SBF1: variants seen among roughly 807,000 people sequenced by gnomAD.
The protein encoded by SBF1 is myotubularin-related protein 5.
Under a neutral mutation model 215.8 loss-of-function variants are expected in SBF1, and 65 were observed. The observed-to-expected ratio is 0.30, with a 90% CI of 0.25 to 0.37. SBF1 has a LOEUF of 0.37. SBF1 is among the 10% of genes least tolerant of loss of function. The pLI, the probability that SBF1 is intolerant of heterozygous loss-of-function variation, is 1.00. For synonymous variants in SBF1, 1,410 were observed against 1,122.8 expected, an observed-to-expected ratio of 1.26 and a Z score of -5.11; for missense variants, 2,634 against 2,667.8, an observed-to-expected ratio of 0.99 and a Z score of 0.28.
In SBF1 at chr22:50,465,121, G is replaced by T. The variant is rs754999203; in HGVS notation, c.1212C>A (p.Phe404Leu). The T allele has an allele frequency of 6.2e-7, 1 of 1,614,078 alleles. No homozygotes were observed. The highest frequency in any genetic ancestry group is 2.2e-5 in the East Asian group (1 of 44,878). The change falls in exon 12 of 41, where the codon TTC becomes TTA. Residue 404 changes from phenylalanine (F) to leucine (L), a missense_variant. Physicochemically the swap from Phe to Leu is conservative, Grantham distance 22. Coordinates refer to ENST00000380817, the MANE Select transcript of SBF1 (RefSeq NM_002972.4). ...EPVIRFHKAAFLGQRGLVEDD... is the reference protein window; with the variant it reads ...EPVIRFHKAALLGQRGLVEDD... ...CCTCTACCAGCCCACGCTGGCCCAG[G>T]AAGGCTGCCTGGATGACAGAAGGAG... is the stretch of plus-strand genomic sequence containing the variant.
intron 6 of SBF1, 59 bp downstream of exon 6, chr22:50,466,546 C>T: frequency 5.2e-6 from 8 of 1,529,118 alleles, no homozygotes; most frequent in Non-Finnish European, 6.2e-6. Flanking sequence ...TGAGAACCCA[C>T]ATCCCTAACT....
In SBF1 at chr22:50,459,318, A is replaced by G. The variant is rs750636374; in HGVS notation, c.3763T>C (p.Tyr1255His). ...GTGTTGCGTCCCGACGCGTCGGCGTAGCGGGGCATGGAGCTGACCACAGCC... is the reference window on the plus strand; with the variant it reads ...GTGTTGCGTCCCGACGCGTCGGCGTGGCGGGGCATGGAGCTGACCACAGCC... ...LQAVVSSMPR[Y>H]ADASGRNTLS... Residue 1255 changes from tyrosine (Y) to histidine (H), a missense_variant, in exon 28 of 41, where the codon TAC becomes CAC. By Grantham distance (83) the Tyr-to-His change is moderately conservative. Coordinates refer to ENST00000380817, the MANE Select transcript of SBF1 (RefSeq NM_002972.4). 8.1e-6 allele frequency: 13 copies of G among 1,612,632 alleles called. No individual in the cohort carries two copies. Among genetic ancestry groups the G allele is most frequent in the Middle Eastern group, 3.3e-4 (2 of 6,076 alleles).
Position 50,467,873 on chromosome 22 carries a change from G to A in SBF1, c.192C>T (p.Thr64=). The A allele has an allele frequency of 6.2e-7, 1 of 1,614,048 alleles. No homozygotes were observed. Residue 64 remains threonine (T), a synonymous_variant, in exon 3 of 41, where the codon ACC becomes ACT. Coordinates refer to ENST00000380817, the MANE Select transcript of SBF1 (RefSeq NM_002972.4). ...WQLCPERNPP[T]FFVAVLTDIN... is the part of the protein sequence containing the mutation. ...TGTCGGTGAGGACAGCAACAAAGAAGGTCGGTGGATTCCTCTCGGGACACA... is the reference window on the plus strand; with the variant it reads ...TGTCGGTGAGGACAGCAACAAAGAAAGTCGGTGGATTCCTCTCGGGACACA...
intron 38 of SBF1, among the ~76,000 whole-genome samples, chr22:50,447,920 G>A (rs1014376359): frequency 4.6e-5 from 7 of 152,242 alleles, no homozygotes; most frequent in South Asian, 4.1e-4. Context: ...CAGGGCAGGC[G>A]CCCTTACGAG....
chr22:50,467,944 T>C lies in SBF1; in HGVS notation c.142-21A>G, dbSNP rs1006527594. On this transcript the variant is annotated intron_variant, in intron 2 of 40. Transcript: ENST00000380817. ...CAAAACTGCAGGGAAGGCTCAGCAG[T>C]CAGCTCCTCCCCCTACACCTGTGGC... 6 of 1,612,464 alleles carry C rather than the reference T, an allele frequency of 3.7e-6. No individual in the cohort carries two copies. In the African/African-American group the frequency reaches 8.0e-5, roughly 22 times the overall value.
intron 34 of SBF1, 25 bp downstream of exon 34, chr22:50,454,991 G>T: frequency 1.2e-6 from 2 of 1,613,928 alleles, no homozygotes; most frequent in South Asian, 2.2e-5. Context: ...ACCCGTGGCT[G>T]CCCCAGCCCC....
intron 36 of SBF1, among the ~76,000 whole-genome samples, chr22:50,452,281 C>A (rs1015858069): frequency 1.3e-5 from 2 of 151,976 alleles, no homozygotes; most frequent in African/African-American, 2.4e-5. Context: ...CTCTGCATTA[C>A]AAGAAATATT....
intron 5 of SBF1, chr22:50,467,112 C>A (rs2067799337): frequency 3.4e-6 from 2 of 595,812 alleles, no homozygotes; most frequent in Non-Finnish European, 6.0e-6. Flanking sequence ...CAGGCACACA[C>A]CATCAAAGGA....
At position 50,462,591 on chromosome 22, in the gene SBF1, G is replaced by A. The variant is rs2067566452; in HGVS notation, c.2095C>T (p.Leu699=). The A allele has an allele frequency of 6.2e-7, 1 of 1,612,228 alleles. No individual in the cohort carries two copies. Among genetic ancestry groups the A allele is most frequent in the African/African-American group, 1.3e-5 (1 of 74,918 alleles). The change falls in exon 18 of 41, where the codon CTG becomes TTG. Residue 699 remains leucine, a synonymous_variant. Transcript: ENST00000380817. ...DVQTHIRALY[L]EPTEDLAPAQ... ...GGGGCCAGGTCCTCCGTGGGCTCCA[G>A]GTAGAGGGCCCGGATGTGAGTCTGC...
rs755187633 is a variant in SBF1 at position 50,474,862 on chromosome 22, C to A, written c.-22G>T. The A allele has an allele frequency of 4.6e-4, 634 of 1,376,988 alleles. 1 individual carries two copies. Among genetic ancestry groups the A allele is most frequent in the Middle Eastern group, 1.3e-3 (5 of 3,756 alleles). 85.3% of individuals were successfully genotyped at this position (1,376,988 alleles called of 1,614,324 possible). ...CCATGGCGAGGGACGCGGGGCGGCC[C>A]GAGGGGCGCGGGCGGGCTCCGCGGC... On this transcript the variant is annotated 5_prime_UTR_variant, in exon 1 of 41. Coordinates refer to ENST00000380817, the MANE Select transcript of SBF1 (RefSeq NM_002972.4).
chr22:50,464,834 C>T lies in SBF1; in HGVS notation c.1416G>A (p.Glu472=), dbSNP rs368064361. ...RVLRHVQELA[E]QLYKNENPYP... is the part of the protein sequence containing the mutation. ...ACCCTCGTACGTTCTTGTAGAGCTGCTCTGCCAGTTCCTGGACGTGACGCA... is the reference window on the plus strand; with the variant it reads ...ACCCTCGTACGTTCTTGTAGAGCTGTTCTGCCAGTTCCTGGACGTGACGCA... The change falls in exon 13 of 41, where the codon GAG becomes GAA. Residue 472 remains glutamate, a synonymous_variant. Transcript: ENST00000380817. 2.0e-5 allele frequency: 32 copies of T among 1,613,542 alleles called. No individual in the cohort carries two copies. The highest frequency in any genetic ancestry group is 2.6e-5 in the Non-Finnish European group (31 of 1,180,028).
intron 10 of SBF1, 91 bp downstream of exon 10, chr22:50,465,672 G>A (rs1332169859): frequency 1.6e-6 from 2 of 1,234,522 alleles, no homozygotes; most frequent in Non-Finnish European, 2.2e-6. Flanking sequence ...GCCAGCCTGG[G>A]GGTGGGGCCC....
intron 1 of SBF1, among the ~76,000 whole-genome samples, chr22:50,473,589 G>A (rs562337395): frequency 2.0e-5 from 3 of 152,280 alleles, no homozygotes; most frequent in African/African-American, 7.2e-5. Context: ...AGGGGCTGGA[G>A]ACGAAGAAGA....
rs765651964 is a variant in SBF1, at chr22:50,446,856, A to G, written c.*286T>C. ...ACTCTGGTTCTAGAAACTCGCCTGC[A>G]GCCGCTGGCTGGACCAGCACACGCT... On this transcript the variant is annotated 3_prime_UTR_variant, in exon 41 of 41. Transcript: ENST00000380817. 11 of 738,110 alleles carry G rather than the reference A, an allele frequency of 1.5e-5. No individual in the cohort carries two copies. Among genetic ancestry groups the G allele is most frequent in the South Asian group, 8.3e-5 (6 of 72,428 alleles). 45.7% of individuals were successfully genotyped at this position (738,110 alleles called of 1,614,324 possible). A position where few individuals can be genotyped will look rare whatever the true frequency, so the allele number is the denominator to read the frequency against.
In SBF1 at chr22:50,462,061, T is replaced by C; in HGVS notation, c.2455A>G (p.Thr819Ala). The stretch of plus-strand genomic sequence containing the variant: ...ACCACAGCCCCAGCTACGTCGCAGG[T>C]CTCTGCATCCTCGAAGCCGCTCTCC... ...DTESGFEDAE[T>A]CDVAGAVVRF... Residue 819 changes from threonine (T) to alanine (A), a missense_variant, in exon 20 of 41, where the codon ACC becomes GCC. Transcript: ENST00000380817. The C allele has an allele frequency of 1.9e-6, 3 of 1,614,074 alleles. No individual in the cohort carries two copies. Among genetic ancestry groups the C allele is most frequent in the Non-Finnish European group, 2.5e-6 (3 of 1,180,024 alleles).
At position 50,448,202 on chromosome 22, in the gene SBF1, G is replaced by A. The variant is rs541521637; in HGVS notation, c.5363+31C>T. The A allele has an allele frequency of 6.3e-5, 100 of 1,598,542 alleles. No homozygotes were observed. The South Asian group carries it at 1.0e-3, about 16-fold the overall frequency. ...GACCCCAGAACACCAGCTCAGAGGT[G>A]TCCATGTGGCAGTGGGAGGTGCCCT... On this transcript the variant is annotated intron_variant, in intron 38 of 40. Transcript: ENST00000380817.
In SBF1 at chr22:50,461,326, AGGG is replaced by A. The variant is rs35628474; in HGVS notation, c.2840-43_2840-41del. 178 of 1,468,424 alleles carry A rather than the reference AGGG, an allele frequency of 1.2e-4. No individual in the cohort carries two copies. The East Asian group carries it at 1.4e-3, about 12-fold the overall frequency. 91.0% of individuals were successfully genotyped at this position (1,468,424 alleles called of 1,614,324 possible). A position where few individuals can be genotyped will look rare whatever the true frequency, so the allele number is the denominator to read the frequency against. Reference sequence around the variant, plus strand: ...GGCAGAGTCAGAAGCAAGGAAGGTAAGGGGGGGGGGGTCCCAGAATCTCAGGGT... The same window carrying A: ...GGCAGAGTCAGAAGCAAGGAAGGTAAGGGGGGGGTCCCAGAATCTCAGGGT... On this transcript the variant is annotated intron_variant, in intron 22 of 40. Coordinates refer to ENST00000380817, the MANE Select transcript of SBF1 (RefSeq NM_002972.4).
intron 26 of SBF1, 78 bp downstream of exon 26, chr22:50,459,874 G>C: frequency 6.6e-7 from 1 of 1,519,454 alleles, no homozygotes; most frequent in African/African-American, 1.4e-5. Context: ...ACCAGAAGCC[G>C]TGGCCCAGGC....
rs2066820236 is a variant in SBF1, at chr22:50,446,438, G to A, written c.*704C>T. 1.2e-5 allele frequency: 2 copies of A among 165,042 alleles called. No individual in the cohort carries two copies. Among genetic ancestry groups the A allele is most frequent in the African/African-American group, 5.0e-5 (2 of 39,620 alleles). 10.2% of individuals were successfully genotyped at this position (165,042 alleles called of 1,614,324 possible). A position where few individuals can be genotyped will look rare whatever the true frequency, so the allele number is the denominator to read the frequency against. On this transcript the variant is annotated 3_prime_UTR_variant, in exon 41 of 41. Transcript: ENST00000380817. ...CTGACGTCCACCTCAAGTGTCCTCTGGACCTGCAACAGCCTTCTGGGGTCA... is the reference window on the plus strand; with the variant it reads ...CTGACGTCCACCTCAAGTGTCCTCTAGACCTGCAACAGCCTTCTGGGGTCA...
Sources: allele counts gnomAD v4.1 joint callset (sites outside exome capture counted in the v4.1 genomes callset), GRCh38; gene constraint gnomAD v4.1.1; transcripts MANE v1.5; gene names NCBI Gene and HGNC (gene_info 2026-07-23, HGNC 2026-07-21).